UGT2A1: variants seen among roughly 807,000 people sequenced by gnomAD.
The protein encoded by UGT2A1 is UDP-glucuronosyltransferase 2A1.
Under a neutral mutation model 45.4 loss-of-function variants are expected in UGT2A1, and 61 were observed. The ratio of observed to expected loss-of-function variants is 1.34; its 90% confidence interval spans 1.09 to 1.66. The LOEUF is 1.66. Among genes scored for constraint, UGT2A1 ranks in the 40% most tolerant of loss-of-function variants. The pLI is 0.00. For synonymous variants in UGT2A1, 229 were observed against 196.2 expected, an observed-to-expected ratio of 1.17 and a Z score of -1.40; for missense variants, 649 against 574.3, an observed-to-expected ratio of 1.13 and a Z score of -1.33.
intron 3 of UGT2A1, among the ~76,000 whole-genome samples, chr4:69,607,347 G>A (rs1405337172): frequency 2.0e-5 from 3 of 151,410 alleles, no homozygotes. Flanking sequence ...AAATGGTGCT[G>A]GGAAAACTGG....
At chr4:69,615,618 A>T (rs1720333839) in intron 3 of UGT2A1, among the ~76,000 whole-genome samples, 1 of 152,080 alleles carries the variant, frequency 6.6e-6, no homozygotes, top group South Asian at 2.1e-4. Flanking sequence ...GAAATGGTCA[A>T]CATCACTATT....
chr4:69,594,328 G>A, intron 6 of UGT2A1, 149 bp downstream of exon 6: 1 of 1,099,790 alleles, frequency 9.1e-7, no homozygotes, highest in Non-Finnish European at 1.3e-6. Flanking sequence ...AATCACTTTA[G>A]CAGTTTGGCA....
At chr4:69,650,151 C>T (rs966814933) in intron 1 of UGT2A1, among the ~76,000 whole-genome samples, 2 of 152,056 alleles carry the variant, frequency 1.3e-5, no homozygotes, top group African/African-American at 2.4e-5. Flanking sequence ...TGTCCACGCT[C>T]ATTAATTTTC....
At chr4:69,590,616 CAGG>C (rs2109871952) in intron 6 of UGT2A1, among the ~76,000 whole-genome samples, 1 of 150,644 alleles carries the variant, frequency 6.6e-6, no homozygotes, top group Admixed American at 6.7e-5. Flanking sequence ...GATTCAGCAG[CAGG>C]AGTAGTTTAC....
At chr4:69,590,718 T>TTTATTG (rs1325988157) in intron 6 of UGT2A1, among the ~76,000 whole-genome samples, 1 of 152,066 alleles carries the variant, frequency 6.6e-6, no homozygotes, top group Non-Finnish European at 1.5e-5. Flanking sequence ...ACATGGATCA[T>TTTATTG]CCGAATATAC....
At position 69,591,476 on chromosome 4, in the gene UGT2A1, C is replaced by T. The variant is rs1395612633; in HGVS notation, c.1305-1825G>A. Among the ~76,000 whole-genome samples, 4 of 151,874 alleles carry T rather than the reference C, an allele frequency of 2.6e-5. No homozygotes were observed. The East Asian group carries it at 7.7e-4, about 29-fold the overall frequency. On this transcript the variant is annotated intron_variant, in intron 6 of 6. Coordinates refer to ENST00000286604, the MANE Select transcript of UGT2A1 (RefSeq NM_001252275.3). ...GTTAAGATAAAGGATTGTGGAGATCCAAGTCCTTATTTGCAGAGGAAGCCT... is the reference window on the plus strand; with the variant it reads ...GTTAAGATAAAGGATTGTGGAGATCTAAGTCCTTATTTGCAGAGGAAGCCT...
chr4:69,606,846 CT>C (rs1719656192), intron 3 of UGT2A1, among the ~76,000 whole-genome samples: 1 of 136,136 alleles, frequency 7.3e-6, no homozygotes, highest in African/African-American at 3.0e-5. Flanking sequence ...AATAAAATAC[CT>C]AGGAATCCAA....
chr4:69,648,316 A>T (rs1040649059), intron 1 of UGT2A1, among the ~76,000 whole-genome samples: 4 of 151,206 alleles, frequency 2.6e-5, no homozygotes, highest in Non-Finnish European at 5.9e-5. Context: ...CCTCAAGAAA[A>T]TATTATAAAT....
intron 4 of UGT2A1, among the ~76,000 whole-genome samples, chr4:69,598,645 A>G (rs140677663): frequency 2.8e-4 from 43 of 152,166 alleles, no homozygotes; most frequent in Non-Finnish European, 4.0e-4. Context: ...AAATTACCAA[A>G]ACTCCTTTTT....
chr4:69,590,006 T>C lies in UGT2A1; in HGVS notation c.1305-355A>G, dbSNP rs1471093924. Among the ~76,000 whole-genome samples, 3 of 152,324 alleles carry C rather than the reference T, an allele frequency of 2.0e-5. No homozygotes were observed. The East Asian group carries it at 5.8e-4, about 29-fold the overall frequency. ...TGGTACATAACCTAATACTGTGGGA[T>C]AAAAATCATTTAAGACATACATAAA... On this transcript the variant is annotated intron_variant, in intron 6 of 6. Coordinates refer to ENST00000286604, the MANE Select transcript of UGT2A1 (RefSeq NM_001252275.3).
At chr4:69,596,589 C>A (rs973774843) in intron 4 of UGT2A1, among the ~76,000 whole-genome samples, 1 of 152,074 alleles carries the variant, frequency 6.6e-6, no homozygotes, top group East Asian at 1.9e-4. Context: ...GTGGCATGAT[C>A]TCTGCTCACT....
At chr4:69,632,240 A>G (rs1038568187) in intron 3 of UGT2A1, among the ~76,000 whole-genome samples, 1 of 152,190 alleles carries the variant, frequency 6.6e-6, no homozygotes, top group East Asian at 1.9e-4. Flanking sequence ...ATTTGCTACC[A>G]TGAAGGAAGA....
intron 1 of UGT2A1, among the ~76,000 whole-genome samples, chr4:69,649,591 C>T (rs1055588469): frequency 6.6e-6 from 1 of 152,054 alleles, no homozygotes; most frequent in Non-Finnish European, 1.5e-5. Flanking sequence ...TTCTTTTTAA[C>T]AAAAGGGCAG....
intron 3 of UGT2A1, among the ~76,000 whole-genome samples, chr4:69,610,782 C>A (rs1487465053): frequency 6.6e-6 from 1 of 152,138 alleles, no homozygotes; most frequent in Non-Finnish European, 1.5e-5. Context: ...ACAGACCTGG[C>A]AAACCCTGAT....
chr4:69,639,365 T>C, intron 2 of UGT2A1: 11 of 1,613,698 alleles, frequency 6.8e-6, no homozygotes, highest in Non-Finnish European at 8.5e-6. Flanking sequence ...TTAAGGAATC[T>C]ATATTGCTCT....
At chr4:69,627,939 T>A (rs1161660971) in intron 3 of UGT2A1, among the ~76,000 whole-genome samples, 2 of 151,978 alleles carry the variant, frequency 1.3e-5, no homozygotes, top group African/African-American at 4.8e-5. Flanking sequence ...ATATATGTCT[T>A]ACGAATATTC....
chr4:69,595,238 T>G lies in UGT2A1; in HGVS notation c.1008A>C (p.Arg336Ser). ...PAKPLPKVLW[R>S]YKGKKPATLG... ...ATGTGGCTGGTTTCTTTCCTTTGTA[T>G]CTCCATAAAACCTGTGGAAAATGGT... Residue 336 changes from arginine to serine, a missense_variant, in exon 5 of 7, where the codon AGA becomes AGC. Transcript: ENST00000286604. 6.2e-7 allele frequency: 1 copy of G among 1,613,770 alleles called. No homozygotes were observed. The highest frequency in any genetic ancestry group is 8.5e-7 in the Non-Finnish European group (1 of 1,179,838).
chr4:69,630,338 C>A (rs1035253803), intron 3 of UGT2A1, among the ~76,000 whole-genome samples: 1 of 151,972 alleles, frequency 6.6e-6, no homozygotes, highest in Non-Finnish European at 1.5e-5. Context: ...TGCCATGCAG[C>A]GTCTTTACTC....
Position 69,647,342 on chromosome 4 carries a change from A to T in UGT2A1, c.303T>A (p.Pro101=). The T allele has an allele frequency of 6.2e-7, 1 of 1,613,330 alleles. No homozygotes were observed. Among genetic ancestry groups the T allele is most frequent in the Non-Finnish European group, 8.5e-7 (1 of 1,179,538 alleles). The change falls in exon 2 of 7, where the codon CCT becomes CCA. Residue 101 remains proline (P), a synonymous_variant. Transcript: ENST00000286604. ...CCTGATAGAATCTCCAAATGGTTGA[A>T]GGAGATGGTCTATTTTCCAGCCATG... is the stretch of plus-strand genomic sequence containing the variant. ...VLTWLENRPS[P]STIWRFYQEM...
Sources: allele counts gnomAD v4.1 joint callset (sites outside exome capture counted in the v4.1 genomes callset), GRCh38; gene constraint gnomAD v4.1.1; transcripts MANE v1.5; gene names NCBI Gene and HGNC (gene_info 2026-07-23, HGNC 2026-07-21).